The following PCDHB8 variants were observed in gnomAD, a reference collection of about 807,000 sequenced individuals.
PCDHB8 encodes protocadherin beta-8.
For synonymous variants in PCDHB8, 385 were observed against 448.5 expected, an observed-to-expected ratio of 0.86 and a Z score of 1.79; for missense variants, 836 against 1,004.0, an observed-to-expected ratio of 0.83 and a Z score of 2.26.
In PCDHB8 at chr5:141,178,334, A is replaced by G. The variant is rs1158483882; in HGVS notation, c.300A>G (p.Thr100=). ...KLDREDLCGH[T]EPCVLRFQVL... ...ACCGTGAGGATCTGTGCGGTCACACAGAGCCCTGTGTGCTACGTTTCCAAG... is the reference window on the plus strand; with the variant it reads ...ACCGTGAGGATCTGTGCGGTCACACGGAGCCCTGTGTGCTACGTTTCCAAG... Residue 100 remains threonine, a synonymous_variant, in exon 1 of 1, where the codon ACA becomes ACG. Transcript: ENST00000239444. 9 of 1,541,508 alleles carry G rather than the reference A, an allele frequency of 5.8e-6. No individual in the cohort carries two copies. In the African/African-American group the frequency reaches 8.6e-5, roughly 15 times the overall value.
Position 141,178,989 on chromosome 5 carries a change from A to C in PCDHB8, c.955A>C (p.Asn319His), listed in dbSNP as rs1753459169. 1 of 1,614,126 alleles carries C rather than the reference A, an allele frequency of 6.2e-7. No homozygotes were observed. Among genetic ancestry groups the C allele is most frequent in the African/African-American group, 1.3e-5 (1 of 74,926 alleles). The change falls in exon 1 of 1, where the codon AAT becomes CAT. Residue 319 changes from asparagine to histidine, a missense_variant. Physicochemically the swap from Asn to His is moderately conservative, Grantham distance 68. Transcript: ENST00000239444. ...CGAAAAATTTCAGTCCTATGAAGTC[A>C]ATATCGAGGCGAGAGATGCTGGAGG... ...DFEKFQSYEVNIEARDAGGFS... is the reference protein window; with the variant it reads ...DFEKFQSYEVHIEARDAGGFS...
In PCDHB8 at chr5:141,178,001, C is replaced by G. The variant is rs555165820; in HGVS notation, c.-34C>G. 4.3e-6 allele frequency: 7 copies of G among 1,613,820 alleles called. No individual in the cohort carries two copies. In the African/African-American group the frequency reaches 5.3e-5, roughly 12 times the overall value. ...CTGGGGACTTTACAGTCCCACAGAA[C>G]CGTCCTCCCAGGAAGCTGAATTCAG... On this transcript the variant is annotated 5_prime_UTR_variant, in exon 1 of 1. Coordinates refer to ENST00000239444, the MANE Select transcript of PCDHB8 (RefSeq NM_019120.5).
Position 141,179,524 on chromosome 5 carries a change from C to G in PCDHB8, c.1490C>G (p.Pro497Arg), listed in dbSNP as rs781966311. The change falls in exon 1 of 1, where the codon CCG (proline) becomes CGG (arginine). Residue 497 changes from proline to arginine, a missense_variant. Physicochemically the swap from Pro to Arg is moderately radical, Grantham distance 103. Coordinates refer to ENST00000239444, the MANE Select transcript of PCDHB8 (RefSeq NM_019120.5). ...VTYSLLPPQD[P>R]HLPLASLVSI... ...TACTCGCTGCTGCCGCCCCAGGATC[C>G]GCACCTGCCCCTCGCCTCCCTGGTC... 1 of 1,613,682 alleles carries G rather than the reference C, an allele frequency of 6.2e-7. No individual in the cohort carries two copies. Among genetic ancestry groups the G allele is most frequent in the Non-Finnish European group, 8.5e-7 (1 of 1,179,978 alleles).
Position 141,178,317 on chromosome 5 carries a change from G to A in PCDHB8, c.283G>A (p.Asp95Asn). 1.3e-6 allele frequency: 2 copies of A among 1,516,674 alleles called. No homozygotes were observed. The highest frequency in any genetic ancestry group is 1.8e-6 in the Non-Finnish European group (2 of 1,100,802). The allele number at this position is 1,516,674 out of a possible 1,614,324, so 94.0% of individuals were successfully genotyped here. The change falls in exon 1 of 1, where the codon GAT becomes AAT. Residue 95 changes from aspartate to asparagine, a missense_variant. Transcript: ENST00000239444. ...LLLNEKLDRE[D>N]LCGHTEPCVL... ...GCTAAATGAGAAATTGGACCGTGAG[G>A]ATCTGTGCGGTCACACAGAGCCCTG...
In PCDHB8 at chr5:141,180,146, C is replaced by G; in HGVS notation, c.2112C>G (p.Phe704Leu). 3.1e-6 allele frequency: 5 copies of G among 1,611,736 alleles called. No individual in the cohort carries two copies. The highest frequency in any genetic ancestry group is 2.2e-5 in the East Asian group (1 of 44,876). The stretch of plus-strand genomic sequence containing the variant: ...CCTCGGTGTCTTCGCTCTTCCTCTT[C>G]TCGGTGCTCCTGTTCGTGGCGGTGC... ...ALASVSSLFLFSVLLFVAVLL... is the reference protein window; with the variant it reads ...ALASVSSLFLLSVLLFVAVLL... Residue 704 changes from phenylalanine to leucine, a missense_variant, in exon 1 of 1, where the codon TTC becomes TTG. Physicochemically the swap from Phe to Leu is conservative, Grantham distance 22. Coordinates refer to ENST00000239444, the MANE Select transcript of PCDHB8 (RefSeq NM_019120.5).
In PCDHB8 at chr5:141,178,908, AC is replaced by A. The variant is rs782302244; in HGVS notation, c.875del (p.Thr292IlefsTer7). ...LFQASDEISK[T>X]FKVDFLTGEI... is the part of the protein sequence containing the mutation. ...CCAAGCTTCAGATGAGATAAGCAAA[AC>A]TTTTAAGGTCGATTTCTTGACAGGA... On this transcript the variant is annotated frameshift_variant, in exon 1 of 1. Coordinates refer to ENST00000239444, the MANE Select transcript of PCDHB8 (RefSeq NM_019120.5). LOFTEE classifies it low-confidence loss of function (END_TRUNC). 13 of 1,614,112 alleles carry A rather than the reference AC, an allele frequency of 8.1e-6. No individual in the cohort carries two copies. The highest frequency in any genetic ancestry group is 9.3e-6 in the Non-Finnish European group (11 of 1,180,052).
chr5:141,180,361 A>T lies in PCDHB8; in HGVS notation c.2327A>T (p.Gln776Leu). Residue 776 changes from glutamine (Q) to leucine (L), a missense_variant, in exon 1 of 1, where the codon CAG becomes CTG. Physicochemically the swap from Gln to Leu is moderately radical, Grantham distance 113. Coordinates refer to ENST00000239444, the MANE Select transcript of PCDHB8 (RefSeq NM_019120.5). The stretch of plus-strand genomic sequence containing the variant: ...CTGAAACCAGTATTACCTAATATTC[A>T]GGGCCATTCTTTTGGGCCAGAAATG... ...QLLKPVLPNI[Q>L]GHSFGPEMEQ... 6.2e-7 allele frequency: 1 copy of T among 1,613,636 alleles called. No individual in the cohort carries two copies. Among genetic ancestry groups the T allele is most frequent in the East Asian group, 2.2e-5 (1 of 44,872 alleles).
At position 141,178,746 on chromosome 5, in the gene PCDHB8, G is replaced by C; in HGVS notation, c.712G>C (p.Asp238His). The C allele has an allele frequency of 6.2e-7, 1 of 1,604,374 alleles. No homozygotes were observed. ...CTACATTGAAGTTGTCGATGTCAATGATAATGCCCCTGAATTTGAGCAGCC... is the reference window on the plus strand; with the variant it reads ...CTACATTGAAGTTGTCGATGTCAATCATAATGCCCCTGAATTTGAGCAGCC... ...QVYIEVVDVN[D>H]NAPEFEQPFY... The change falls in exon 1 of 1, where the codon GAT (aspartate) becomes CAT (histidine). Residue 238 changes from aspartate to histidine, a missense_variant. Physicochemically the swap from Asp to His is moderately conservative, Grantham distance 81. Coordinates refer to ENST00000239444, the MANE Select transcript of PCDHB8 (RefSeq NM_019120.5).
At position 141,178,339 on chromosome 5, in the gene PCDHB8, C is replaced by T. The variant is rs781875972; in HGVS notation, c.305C>T (p.Pro102Leu). Residue 102 changes from proline to leucine, a missense_variant, in exon 1 of 1, where the codon CCC becomes CTC. By Grantham distance (98) the Pro-to-Leu change is moderately conservative. Transcript: ENST00000239444. Reference sequence around the variant, plus strand: ...GAGGATCTGTGCGGTCACACAGAGCCCTGTGTGCTACGTTTCCAAGTGTTG... The same window carrying T: ...GAGGATCTGTGCGGTCACACAGAGCTCTGTGTGCTACGTTTCCAAGTGTTG... ...DREDLCGHTE[P>L]CVLRFQVLLE... 4 of 1,536,850 alleles carry T rather than the reference C, an allele frequency of 2.6e-6. No homozygotes were observed. The highest frequency in any genetic ancestry group is 2.7e-6 in the Non-Finnish European group (3 of 1,117,400).
In PCDHB8 at chr5:141,179,554, T is replaced by G; in HGVS notation, c.1520T>G (p.Ile507Ser). 1 of 1,613,802 alleles carries G rather than the reference T, an allele frequency of 6.2e-7. No homozygotes were observed. Among genetic ancestry groups the G allele is most frequent in the East Asian group, 2.2e-5 (1 of 44,874 alleles). ...CTGCCCCTCGCCTCCCTGGTCTCCA[T>G]CAACACAGACAACGGCCACCTGTTC... is the stretch of plus-strand genomic sequence containing the variant. ...PHLPLASLVSINTDNGHLFAL... is the reference protein window; with the variant it reads ...PHLPLASLVSSNTDNGHLFAL... The change falls in exon 1 of 1, where the codon ATC becomes AGC. Residue 507 changes from isoleucine to serine, a missense_variant. Ile to Ser is a moderately radical substitution (Grantham distance 142). Coordinates refer to ENST00000239444, the MANE Select transcript of PCDHB8 (RefSeq NM_019120.5).
Position 141,178,507 on chromosome 5 carries a change from C to G in PCDHB8, c.473C>G (p.Ala158Gly). Reference sequence around the variant, plus strand: ...GGGACTGCGTTTCCTCTGAAGAATGCTGAAGACTTAGATATAGGCCAAAAC... The same window carrying G: ...GGGACTGCGTTTCCTCTGAAGAATGGTGAAGACTTAGATATAGGCCAAAAC... The part of the protein sequence containing the change: ...PPGTAFPLKN[A>G]EDLDIGQNNI... Residue 158 changes from alanine to glycine, a missense_variant, in exon 1 of 1, where the codon GCT (alanine) becomes GGT (glycine). By Grantham distance (60) the Ala-to-Gly change is moderately conservative. Transcript: ENST00000239444. 6.2e-7 allele frequency: 1 copy of G among 1,614,212 alleles called. No homozygotes were observed. Among genetic ancestry groups the G allele is most frequent in the East Asian group, 2.2e-5 (1 of 44,882 alleles).
chr5:141,179,859 A>G lies in PCDHB8; in HGVS notation c.1825A>G (p.Lys609Glu). The G allele has an allele frequency of 6.2e-7, 1 of 1,610,060 alleles. No homozygotes were observed. Among genetic ancestry groups the G allele is most frequent in the East Asian group, 2.2e-5 (1 of 44,868 alleles). Residue 609 changes from lysine to glutamate, a missense_variant, in exon 1 of 1, where the codon AAG becomes GAG. Transcript: ENST00000239444. ...QNAWLSYQLL[K>E]ATEPGLFGVW... Reference sequence around the variant, plus strand: ...CGCCTGGCTGTCGTACCAGCTGCTCAAGGCCACGGAGCCCGGGCTGTTCGG... The same window carrying G: ...CGCCTGGCTGTCGTACCAGCTGCTCGAGGCCACGGAGCCCGGGCTGTTCGG...
At position 141,180,310 on chromosome 5, in the gene PCDHB8, G is replaced by T. The variant is rs35245446; in HGVS notation, c.2276G>T (p.Gly759Val). 2.9e-3 allele frequency: 4,699 copies of T among 1,614,034 alleles called. 124 individuals are homozygous for T. In the African/African-American group the frequency reaches 0.053, roughly 18 times the overall value. Residue 759 changes from glycine to valine, a missense_variant, in exon 1 of 1, where the codon GGC (glycine) becomes GTC (valine). Physicochemically the swap from Gly to Val is moderately radical, Grantham distance 109. Transcript: ENST00000239444. ...NYQYEVCLAG[G>V]SGTNEFQLLK... is the part of the protein sequence containing the mutation. The stretch of plus-strand genomic sequence containing the variant: ...CAGTACGAGGTGTGCCTGGCAGGAG[G>T]CTCAGGGACGAATGAGTTCCAGCTC...
rs782713360 is a variant in PCDHB8 at position 141,178,634 on chromosome 5, G to A, written c.600G>A (p.Ala200=). ...RKYPELVLDK[A]LDREEEAELR... ...ACCCAGAGCTGGTGCTGGACAAAGC[G>A]CTGGACCGAGAGGAAGAAGCTGAGC... The change falls in exon 1 of 1, where the codon GCG becomes GCA. Residue 200 remains alanine, a synonymous_variant. Coordinates refer to ENST00000239444, the MANE Select transcript of PCDHB8 (RefSeq NM_019120.5). The A allele has an allele frequency of 3.1e-6, 5 of 1,613,248 alleles. No individual in the cohort carries two copies. The highest frequency in any genetic ancestry group is 1.3e-5 in the African/African-American group (1 of 74,974).
rs1554281645 is a variant in PCDHB8 at position 141,180,231 on chromosome 5, TTTC to T, written c.2198_2200del (p.Phe733_Pro734delinsSer). 9 of 1,613,416 alleles carry T rather than the reference TTTC, an allele frequency of 5.6e-6. No homozygotes were observed. Among genetic ancestry groups the T allele is most frequent in the Non-Finnish European group, 7.6e-6 (9 of 1,179,942 alleles). On this transcript the variant is annotated inframe_deletion, in exon 1 of 1. Coordinates refer to ENST00000239444, the MANE Select transcript of PCDHB8 (RefSeq NM_019120.5). The stretch of plus-strand genomic sequence containing the variant: ...TCGCTGCTCAGTGCCTGAGGGCCCC[TTTC>T]CAGGGCATCTGGTGGACGTGAGGGG...
rs202092480 is a variant in PCDHB8, at chr5:141,180,426, C to G, written c.2392C>G (p.Leu798Val). Residue 798 changes from leucine (L) to valine (V), a missense_variant, in exon 1 of 1, where the codon CTT (leucine) becomes GTT (valine). Physicochemically the swap from Leu to Val is conservative, Grantham distance 32. Transcript: ENST00000239444. ...SNFRNGFGFS[L>V]QLK ...CTTTAGGAATGGCTTTGGTTTCAGC[C>G]TTCAGTTAAAGTAATTGATTTCATA... The G allele has an allele frequency of 1.9e-6, 3 of 1,582,664 alleles. No homozygotes were observed. The highest frequency in any genetic ancestry group is 1.7e-6 in the Non-Finnish European group (2 of 1,160,020).
rs538768039 is a variant in PCDHB8, at chr5:141,179,185, G to C, written c.1151G>C (p.Cys384Ser). ...LDSGENGKIS[C>S]SIQEDLPFLL... ...TCAGGAGAAAATGGGAAAATAAGTTGCTCCATTCAGGAGGATCTACCCTTC... is the reference window on the plus strand; with the variant it reads ...TCAGGAGAAAATGGGAAAATAAGTTCCTCCATTCAGGAGGATCTACCCTTC... The change falls in exon 1 of 1, where the codon TGC becomes TCC. Residue 384 changes from cysteine to serine, a missense_variant. Cys to Ser is a moderately radical substitution (Grantham distance 112). Transcript: ENST00000239444. 2 of 1,614,186 alleles carry C rather than the reference G, an allele frequency of 1.2e-6. No individual in the cohort carries two copies. Among genetic ancestry groups the C allele is most frequent in the African/African-American group, 1.3e-5 (1 of 75,032 alleles).
In PCDHB8 at chr5:141,180,235, C is replaced by G; in HGVS notation, c.2201C>G (p.Pro734Arg). Residue 734 changes from proline (P) to arginine (R), a missense_variant, in exon 1 of 1, where the codon CCA (proline) becomes CGA (arginine). Physicochemically the swap from Pro to Arg is moderately radical, Grantham distance 103. Coordinates refer to ENST00000239444, the MANE Select transcript of PCDHB8 (RefSeq NM_019120.5). ...TGCTCAGTGCCTGAGGGCCCCTTTCCAGGGCATCTGGTGGACGTGAGGGGC... is the reference window on the plus strand; with the variant it reads ...TGCTCAGTGCCTGAGGGCCCCTTTCGAGGGCATCTGGTGGACGTGAGGGGC... ...GRCSVPEGPF[P>R]GHLVDVRGTG... 2 of 1,613,468 alleles carry G rather than the reference C, an allele frequency of 1.2e-6. No homozygotes were observed. The highest frequency in any genetic ancestry group is 1.7e-6 in the Non-Finnish European group (2 of 1,179,950).
Position 141,179,339 on chromosome 5 carries a change from T to A in PCDHB8, c.1305T>A (p.His435Gln), listed in dbSNP as rs1753474151. Reference sequence around the variant, plus strand: ...TAGGGACACCCAGGCTGACAACACATCTCAATATGACCGTGCTGGTGTCGG... The same window carrying A: ...TAGGGACACCCAGGCTGACAACACAACTCAATATGACCGTGCTGGTGTCGG... ...TDLGTPRLTT[H>Q]LNMTVLVSDV... Residue 435 changes from histidine (H) to glutamine (Q), a missense_variant, in exon 1 of 1, where the codon CAT (histidine) becomes CAA (glutamine). By Grantham distance (24) the His-to-Gln change is conservative. Coordinates refer to ENST00000239444, the MANE Select transcript of PCDHB8 (RefSeq NM_019120.5). 6.2e-7 allele frequency: 1 copy of A among 1,614,038 alleles called. No individual in the cohort carries two copies. Among genetic ancestry groups the A allele is most frequent in the Non-Finnish European group, 8.5e-7 (1 of 1,180,042 alleles).
Sources: gnomAD v4.1 joint callset for allele counts on GRCh38, gnomAD v4.1.1 for gene constraint, MANE v1.5 for transcripts, NCBI Gene and HGNC (gene_info 2026-07-23, HGNC 2026-07-21) for gene names.